The following MGAT4A variants were observed in gnomAD, a reference collection of about 807,000 sequenced individuals.
MGAT4A encodes the protein N-acetylglucosaminyltransferase IVa.
In MGAT4A, 33 loss-of-function variants were observed where a neutral mutation model predicts 74.1. The ratio of observed to expected loss-of-function variants is 0.45; its 90% CI spans 0.34 to 0.60. The LOEUF (loss-of-function observed/expected upper bound fraction) is 0.60, where lower values mean the gene tolerates loss of function less well. Ranked by LOEUF, MGAT4A falls within the 20% of genes least tolerant of loss-of-function variation. The probability of loss-of-function intolerance (pLI) is 0.02; values close to 1 mark genes in which losing one functional copy is unlikely to be tolerated. For missense variants in MGAT4A, 479 were observed against 628.3 expected, an observed-to-expected ratio of 0.76 and a Z score of 2.54; for synonymous variants, 198 against 210.4, an observed-to-expected ratio of 0.94 and a Z score of 0.51.
intron 2 of MGAT4A, among the ~76,000 whole-genome samples, chr2:98,683,328 C>T (rs961884718): frequency 1.3e-5 from 2 of 152,138 alleles, no homozygotes; most frequent in African/African-American, 4.8e-5. Context: ...CTGAATTTGA[C>T]ACTCGAACTG....
At chr2:98,634,356 C>T (rs573546560) in intron 14 of MGAT4A, among the ~76,000 whole-genome samples, 2 of 152,252 alleles carry the variant, frequency 1.3e-5, no homozygotes, top group South Asian at 4.2e-4. Context: ...CCAATCATTT[C>T]AGGCAGAGAA....
intron 2 of MGAT4A, among the ~76,000 whole-genome samples, chr2:98,691,344 G>A (rs1702192096): frequency 6.6e-6 from 1 of 152,108 alleles, no homozygotes; most frequent in Admixed American, 6.5e-5. Context: ...GGGAGCTGAG[G>A]CGGGAGGATC....
intron 4 of MGAT4A, among the ~76,000 whole-genome samples, chr2:98,665,664 G>C (rs1043428574): frequency 2.1e-4 from 32 of 152,238 alleles, no homozygotes; most frequent in African/African-American, 7.0e-4. Flanking sequence ...GCACATTCTA[G>C]AAAGGGGAAA....
intron 8 of MGAT4A, among the ~76,000 whole-genome samples, chr2:98,649,856 A>G (rs1037962344): frequency 3.9e-5 from 6 of 152,210 alleles, no homozygotes; most frequent in African/African-American, 1.4e-4. Flanking sequence ...CCAAGATCCC[A>G]ACAACAAAAA....
At chr2:98,721,102 GAAATAAT>G (rs1045147789) in intron 2 of MGAT4A, among the ~76,000 whole-genome samples, 128 of 152,266 alleles carry the variant, frequency 8.4e-4, no homozygotes, top group Middle Eastern at 6.8e-3. Context: ...CTTCTCAGCA[GAAATAAT>G]AGAGGACAAA....
At chr2:98,691,117 G>A (rs1702188975) in intron 2 of MGAT4A, among the ~76,000 whole-genome samples, 1 of 152,212 alleles carries the variant, frequency 6.6e-6, no homozygotes, top group South Asian at 2.1e-4. Context: ...GGTGGGGTGG[G>A]AAAAGTACAG....
intron 14 of MGAT4A, among the ~76,000 whole-genome samples, chr2:98,634,215 G>C (rs1701284221): frequency 6.6e-6 from 1 of 152,180 alleles, no homozygotes; most frequent in Non-Finnish European, 1.5e-5. Flanking sequence ...GGAGCACACA[G>C]AACGGAGCTA....
In MGAT4A at chr2:98,625,755, G is replaced by C. The variant is rs1419535360; in HGVS notation, c.1549C>G (p.Gln517Glu). The C allele has an allele frequency of 6.2e-7, 1 of 1,611,076 alleles. No homozygotes were observed. The highest frequency in any genetic ancestry group is 2.2e-5 in the East Asian group (1 of 44,754). The change falls in exon 15 of 16, where the codon CAG becomes GAG. Residue 517 changes from glutamine to glutamate, a missense_variant. Around this residue, in one of 3 missense-constraint regions of MGAT4A, gnomAD observed 236 missense variants for 308.2 expected, o/e 0.77. Transcript: ENST00000393487. ...AGAATGGCCCAAACAGCAGAATTCTGAATAACTGAAAGTCGAAAGGCTGAA... is the reference window on the plus strand; with the variant it reads ...AGAATGGCCCAAACAGCAGAATTCTCAATAACTGAAAGTCGAAAGGCTGAA... ...PISAFRLSVI[Q>E]NSAVWAILNE...
At chr2:98,707,839 T>C (rs773542662) in intron 2 of MGAT4A, among the ~76,000 whole-genome samples, 1 of 152,172 alleles carries the variant, frequency 6.6e-6, no homozygotes, top group Non-Finnish European at 1.5e-5. Flanking sequence ...GCTGCTCATG[T>C]GTAATCTCCG....
chr2:98,705,933 A>G (rs1702421149), intron 2 of MGAT4A, among the ~76,000 whole-genome samples: 1 of 144,022 alleles, frequency 6.9e-6, no homozygotes, highest in Non-Finnish European at 1.5e-5. Flanking sequence ...TGGGCGACAG[A>G]GCGAGACTCC....
Position 98,644,058 on chromosome 2 carries a change from A to G in MGAT4A, c.890-5T>C. On this transcript the variant is annotated splice_polypyrimidine_tract_variant and splice_region_variant and intron_variant, in intron 9 of 15. Coordinates refer to ENST00000393487, the MANE Select transcript of MGAT4A (RefSeq NM_012214.3). ...CCGGCGCTTGAAACATTTTACCTGA[A>G]AAGATATTCCCAGTCAATAGCTGCA... 6.4e-7 allele frequency: 1 copy of G among 1,566,534 alleles called. No individual in the cohort carries two copies. Among genetic ancestry groups the G allele is most frequent in the Non-Finnish European group, 8.7e-7 (1 of 1,150,258 alleles).
intron 2 of MGAT4A, among the ~76,000 whole-genome samples, chr2:98,681,143 C>T (rs888379696): frequency 3.3e-5 from 5 of 152,034 alleles, no homozygotes; most frequent in African/African-American, 9.7e-5. Context: ...CCACCATGCC[C>T]GGCTAATTTT....
At position 98,705,557 on chromosome 2, in the gene MGAT4A, C is replaced by G. The variant is rs932224073; in HGVS notation, c.94+20682G>C. Among the ~76,000 whole-genome samples the G allele has an allele frequency of 3.9e-5, 6 of 152,314 alleles. No individual in the cohort carries two copies. In the East Asian group the frequency reaches 1.2e-3, roughly 29 times the overall value. The stretch of plus-strand genomic sequence containing the variant: ...CTGGACAGTAAATCATATGATCACC[C>G]TAGCTACAGAGGAAATTAATATTGT... On this transcript the variant is annotated intron_variant, in intron 2 of 15. Coordinates refer to ENST00000393487, the MANE Select transcript of MGAT4A (RefSeq NM_012214.3).
chr2:98,649,517 T>G (rs933498291), intron 8 of MGAT4A, among the ~76,000 whole-genome samples: 1 of 152,180 alleles, frequency 6.6e-6, no homozygotes. Context: ...CTGTCTCATC[T>G]AAATCATAGT....
chr2:98,701,714 G>A (rs1702358820), intron 2 of MGAT4A, among the ~76,000 whole-genome samples: 2 of 152,220 alleles, frequency 1.3e-5, no homozygotes, highest in African/African-American at 2.4e-5. Flanking sequence ...AAAGGCTGCT[G>A]ACCAATTTGG....
chr2:98,724,334 GA>G, intron 2 of MGAT4A, among the ~76,000 whole-genome samples: 1 of 152,202 alleles, frequency 6.6e-6, no homozygotes. Context: ...GACTTCTCTG[GA>G]AAACCCAGGC....
At chr2:98,680,903 AAAT>A (rs1337113249) in intron 2 of MGAT4A, among the ~76,000 whole-genome samples, 5 of 152,114 alleles carry the variant, frequency 3.3e-5, no homozygotes, top group African/African-American at 1.2e-4. Context: ...TCTTATTCCT[AAAT>A]AAGAAGACTC....
intron 12 of MGAT4A, among the ~76,000 whole-genome samples, chr2:98,638,455 T>A (rs1286254153): frequency 6.6e-6 from 1 of 152,242 alleles, no homozygotes; most frequent in Non-Finnish European, 1.5e-5. Flanking sequence ...CTAATCTACG[T>A]CAATATTTTT....
At chr2:98,705,860 T>C (rs1200628978) in intron 2 of MGAT4A, among the ~76,000 whole-genome samples, 2 of 145,858 alleles carry the variant, frequency 1.4e-5, no homozygotes, top group Non-Finnish European at 3.0e-5. Context: ...GAGAATGGCG[T>C]GAACCCGGGA....
Sources: allele counts gnomAD v4.1 joint callset (sites outside exome capture counted in the v4.1 genomes callset), GRCh38; gene constraint gnomAD v4.1.1; regional missense constraint gnomAD v4.1.1; transcripts MANE v1.5; gene names NCBI Gene and HGNC (gene_info 2026-07-23, HGNC 2026-07-21).